CDH12: variants seen among roughly 807,000 people sequenced by gnomAD.
CDH12 encodes cadherin 12.
CDH12 carries 41 observed loss-of-function variants against 74.1 expected under a neutral mutation model. The ratio of observed to expected loss-of-function variants is 0.55; its 90% CI spans 0.43 to 0.72. CDH12 has a LOEUF of 0.72. Ranked by LOEUF, CDH12 falls within the 30% of genes least tolerant of loss-of-function variation. CDH12 has a pLI of 0.00. For synonymous variants in CDH12, 399 were observed against 355.0 expected (o/e 1.12, Z -1.39); for missense variants, 945 against 977.2 (o/e 0.97, Z 0.44).
At chr5:22,691,290 T>C (rs562718586) in intron 1 of CDH12, among the ~76,000 whole-genome samples, 133 of 152,316 alleles carry the variant, frequency 8.7e-4, no homozygotes, top group Non-Finnish European at 1.3e-3. Flanking sequence ...ATGTTAACTA[T>C]GAGCTAGATG....
intron 3 of CDH12, among the ~76,000 whole-genome samples, chr5:22,302,922 C>T (rs1359385426): frequency 6.6e-6 from 1 of 151,906 alleles, no homozygotes; most frequent in Non-Finnish European, 1.5e-5. Context: ...ATCATGTTAA[C>T]CATTAGAGTG....
chr5:21,753,233 G>A lies in CDH12; in HGVS notation c.1886-997C>T, dbSNP rs1252163256. Among the ~76,000 whole-genome samples the A allele has an allele frequency of 2.0e-5, 3 of 152,292 alleles. No homozygotes were observed. In the East Asian group the frequency reaches 5.8e-4, roughly 29 times the overall value. ...ATAGAATTATAAAGTAGAGAAGAAT[G>A]CATGATGATAAAATTTCATTTATTC... On this transcript the variant is annotated intron_variant, in intron 14 of 14. Coordinates refer to ENST00000382254, the MANE Select transcript of CDH12 (RefSeq NM_004061.5).
At chr5:22,642,148 C>T (rs1287153045) in intron 1 of CDH12, among the ~76,000 whole-genome samples, 1 of 152,202 alleles carries the variant, frequency 6.6e-6, no homozygotes, top group African/African-American at 2.4e-5. Flanking sequence ...ATTTCAAATA[C>T]TTTTCGACAG....
intron 1 of CDH12, among the ~76,000 whole-genome samples, chr5:22,712,061 T>A (rs1471168297): frequency 6.6e-6 from 1 of 152,044 alleles, no homozygotes; most frequent in Admixed American, 6.6e-5. Flanking sequence ...TATCCATATC[T>A]ACATCACCTA....
intron 3 of CDH12, among the ~76,000 whole-genome samples, chr5:22,290,926 T>C (rs1421178863): frequency 1.3e-5 from 2 of 152,106 alleles, no homozygotes; most frequent in African/African-American, 4.8e-5. Context: ...TATTAAACAT[T>C]TAAAGAAGAT....
intron 3 of CDH12, among the ~76,000 whole-genome samples, chr5:22,296,769 T>C (rs927131472): frequency 6.6e-6 from 1 of 152,206 alleles, no homozygotes; most frequent in African/African-American, 2.4e-5. Context: ...AGCTTACAAA[T>C]GATTTCAGTA....
At chr5:22,851,880 C>T (rs1300777909) in intron 1 of CDH12, among the ~76,000 whole-genome samples, 1 of 152,070 alleles carries the variant, frequency 6.6e-6, no homozygotes, top group African/African-American at 2.4e-5. Flanking sequence ...GAGGCGCTGC[C>T]ACTGAATGAT....
At chr5:22,461,193 A>G (rs1745503227) in intron 2 of CDH12, among the ~76,000 whole-genome samples, 1 of 151,378 alleles carries the variant, frequency 6.6e-6, no homozygotes, top group African/African-American at 2.4e-5. Flanking sequence ...ACACCTGGCT[A>G]ATTTTTGTAT....
At chr5:22,449,742 G>C (rs1297714204) in intron 2 of CDH12, among the ~76,000 whole-genome samples, 1 of 151,944 alleles carries the variant, frequency 6.6e-6, no homozygotes, top group African/African-American at 2.4e-5. Context: ...TTTTATATCT[G>C]TTATATGGAC....
intron 1 of CDH12, among the ~76,000 whole-genome samples, chr5:22,789,074 A>T (rs1180642992): frequency 6.6e-6 from 1 of 152,084 alleles, no homozygotes; most frequent in African/African-American, 2.4e-5. Flanking sequence ...GTTTATTTTG[A>T]GTTTTCTTGA....
chr5:21,892,764 T>G (rs939079440), intron 6 of CDH12, among the ~76,000 whole-genome samples: 4 of 152,150 alleles, frequency 2.6e-5, no homozygotes, highest in Non-Finnish European at 5.9e-5. Flanking sequence ...TAAAAAAATC[T>G]GTGATGCTGC....
intron 8 of CDH12, among the ~76,000 whole-genome samples, chr5:21,834,455 G>A (rs960338557): frequency 1.3e-5 from 2 of 151,834 alleles, no homozygotes; most frequent in African/African-American, 4.8e-5. Context: ...CTACATGGGA[G>A]ATATTTAGAA....
intron 14 of CDH12, among the ~76,000 whole-genome samples, chr5:21,754,785 T>C (rs528282497): frequency 1.4e-4 from 22 of 152,216 alleles, no homozygotes; most frequent in Non-Finnish European, 2.9e-4. Flanking sequence ...TCTGTTGTCA[T>C]TTGATTTTAA....
chr5:22,341,209 T>A (rs1739832780), intron 3 of CDH12, among the ~76,000 whole-genome samples: 1 of 152,188 alleles, frequency 6.6e-6, no homozygotes, highest in South Asian at 2.1e-4. Flanking sequence ...ACATAAAGAA[T>A]GGTCAGGCCA....
chr5:22,430,415 T>A (rs1744121018), intron 2 of CDH12, among the ~76,000 whole-genome samples: 1 of 152,048 alleles, frequency 6.6e-6, no homozygotes, highest in Admixed American at 6.6e-5. Context: ...CACATATAAA[T>A]ATTTGGTTTT....
intron 10 of CDH12, among the ~76,000 whole-genome samples, chr5:21,788,486 T>C (rs1432495900): frequency 1.3e-5 from 2 of 152,144 alleles, no homozygotes; most frequent in South Asian, 2.1e-4. Flanking sequence ...GAAGATCTTA[T>C]ACATTATAGT....
At chr5:22,074,340 G>T (rs1036069762) in intron 5 of CDH12, among the ~76,000 whole-genome samples, 4 of 152,102 alleles carry the variant, frequency 2.6e-5, no homozygotes, top group Admixed American at 6.6e-5. Flanking sequence ...TTAAATGTTA[G>T]ACCTAAAACC....
intron 6 of CDH12, among the ~76,000 whole-genome samples, chr5:21,892,668 C>T (rs1335940257): frequency 6.6e-6 from 1 of 151,816 alleles, no homozygotes; most frequent in African/African-American, 2.4e-5. Flanking sequence ...AAAATGTTTG[C>T]ATCAGTTTAC....
intron 4 of CDH12, among the ~76,000 whole-genome samples, chr5:22,162,266 C>T (rs1748395443): frequency 1.3e-5 from 2 of 152,196 alleles, no homozygotes; most frequent in African/African-American, 4.8e-5. Context: ...ATATAGTGTG[C>T]TAGTTGCCAC....
Sources: gnomAD v4.1 joint callset for allele counts (sites outside exome capture counted in the v4.1 genomes callset) on GRCh38, gnomAD v4.1.1 for gene constraint, MANE v1.5 for transcripts, NCBI Gene and HGNC (gene_info 2026-07-23, HGNC 2026-07-21) for gene names.